The following RAD51B variants were observed in gnomAD, a reference collection of about 807,000 sequenced individuals.
RAD51B encodes the protein DNA repair protein RAD51 homolog 2.
RAD51B carries 38 observed loss-of-function variants against 42.2 expected under a neutral mutation model. That is an observed-to-expected ratio of 0.90 (90% CI 0.70 to 1.18). The LOEUF (loss-of-function observed/expected upper bound fraction) is 1.18. Ranked by LOEUF, RAD51B falls within the 50% of genes most tolerant of loss-of-function variation. The pLI is 0.00. For synonymous variants in RAD51B, 154 were observed against 145.2 expected, an observed-to-expected ratio of 1.06 and a Z score of -0.43; for missense variants, 373 against 400.7, an observed-to-expected ratio of 0.93 and a Z score of 0.59.
intron 7 of RAD51B, among the ~76,000 whole-genome samples, chr14:67,960,050 G>A (rs1438968668): frequency 9.9e-5 from 15 of 151,172 alleles, no homozygotes; most frequent in African/African-American, 2.4e-4. Context: ...GCGCCACTGC[G>A]CTACAGCCTG....
intron 7 of RAD51B, among the ~76,000 whole-genome samples, chr14:67,925,944 TGCACACAGCCTGGGCC>T (rs2044491629): frequency 6.6e-6 from 1 of 152,288 alleles, no homozygotes; most frequent in East Asian, 1.9e-4. Context: ...GACCCTGGGC[TGCACACAGCCTGGGCC>T]GCACACAGCA....
chr14:67,881,393 T>G (rs576547177), intron 5 of RAD51B, among the ~76,000 whole-genome samples: 6 of 152,240 alleles, frequency 3.9e-5, no homozygotes, highest in Non-Finnish European at 7.3e-5. Flanking sequence ...TCTGATACTT[T>G]CTGGTGGTTC....
intron 10 of RAD51B, among the ~76,000 whole-genome samples, chr14:68,642,107 C>T (rs1443726749): frequency 6.6e-6 from 1 of 152,114 alleles, no homozygotes; most frequent in African/African-American, 2.4e-5. Flanking sequence ...TTAGGGTAAT[C>T]CTGGCCTCAT....
intron 10 of RAD51B, among the ~76,000 whole-genome samples, chr14:68,576,912 A>G (rs1889986208): frequency 6.6e-6 from 1 of 152,182 alleles, no homozygotes; most frequent in Admixed American, 6.5e-5. Flanking sequence ...AAAATATTTC[A>G]TTGTGTTTTA....
At chr14:68,078,960 C>T (rs1240329935) in intron 7 of RAD51B, among the ~76,000 whole-genome samples, 2 of 152,044 alleles carry the variant, frequency 1.3e-5, no homozygotes, top group South Asian at 2.1e-4. Context: ...ACTGCACTCC[C>T]GCCTGGGCAA....
chr14:67,953,551 T>G (rs1029700294), intron 7 of RAD51B, among the ~76,000 whole-genome samples: 1 of 152,086 alleles, frequency 6.6e-6, no homozygotes, highest in Non-Finnish European at 1.5e-5. Flanking sequence ...GAATGATTAA[T>G]GGGAAGGATA....
intron 8 of RAD51B, among the ~76,000 whole-genome samples, chr14:68,346,988 A>G (rs1481356176): frequency 2.0e-5 from 3 of 152,030 alleles, no homozygotes; most frequent in Non-Finnish European, 2.9e-5. Context: ...TTAAGACTCA[A>G]TCGAAGTGCC....
Position 68,240,409 on chromosome 14 carries a change from T to C in RAD51B, c.757-51475T>C, listed in dbSNP as rs560494182. 3.3e-5 allele frequency among the ~76,000 whole-genome samples: 5 copies of C among 152,348 alleles called. No individual in the cohort carries two copies. In the South Asian group the frequency reaches 8.3e-4, roughly 25 times the overall value. On this transcript the variant is annotated intron_variant, in intron 7 of 10. Transcript: ENST00000471583. ...GAGAAAAAGAAGACATATTTTTTACTTACCTAAGATTTCATTAGAGGTGCC... is the reference window on the plus strand; with the variant it reads ...GAGAAAAAGAAGACATATTTTTTACCTACCTAAGATTTCATTAGAGGTGCC...
In RAD51B at chr14:68,367,970, C is replaced by T. The variant is rs189064307; in HGVS notation, c.854-43454C>T. 2.0e-3 allele frequency among the ~76,000 whole-genome samples: 310 copies of T among 152,310 alleles called. 1 individual carries two copies. Among genetic ancestry groups the T allele is most frequent in the African/African-American group, 7.2e-3 (299 of 41,560 alleles). On this transcript the variant is annotated intron_variant, in intron 8 of 10. Coordinates refer to ENST00000471583, the MANE Select transcript of RAD51B (RefSeq NM_133510.4). The stretch of plus-strand genomic sequence containing the variant: ...CATAGAAAAGAGAGCCCATAGGGAA[C>T]ATTTTAGAATTGATTCTTATCTTAA...
Position 67,899,405 on chromosome 14 carries a change from A to G in RAD51B, c.756+12201A>G, listed in dbSNP as rs72725134. ...TGGGAAATATCTTCTTAAAAGTGAA[A>G]CATTTGCATTAGATTATAGCTTTTT... On this transcript the variant is annotated intron_variant, in intron 7 of 10. Transcript: ENST00000471583. Among the ~76,000 whole-genome samples, 1,283 of 152,196 alleles carry G rather than the reference A, an allele frequency of 8.4e-3. 3 individuals carry two copies. Among genetic ancestry groups the G allele is most frequent in the Non-Finnish European group, 0.012 (816 of 68,002 alleles).
chr14:67,857,699 A>G (rs569622231), intron 4 of RAD51B, among the ~76,000 whole-genome samples: 2 of 152,340 alleles, frequency 1.3e-5, no homozygotes, highest in East Asian at 3.9e-4. Flanking sequence ...TTCCTCTGCT[A>G]GTTAGCACTC....
intron 7 of RAD51B, among the ~76,000 whole-genome samples, chr14:68,258,396 A>G (rs1372198921): frequency 6.6e-6 from 1 of 150,742 alleles, no homozygotes; most frequent in African/African-American, 2.5e-5. Flanking sequence ...CCCTGTCTCT[A>G]TACACACACA....
chr14:68,357,053 C>T (rs2082924392), intron 8 of RAD51B, among the ~76,000 whole-genome samples: 1 of 151,464 alleles, frequency 6.6e-6, no homozygotes, highest in Admixed American at 6.6e-5. Flanking sequence ...AAAGATTGCT[C>T]TGTAGCATGT....
intron 9 of RAD51B, among the ~76,000 whole-genome samples, chr14:68,425,936 TTTTCTTTCTTTCTTTCTTTC>T (rs56847254): frequency 6.8e-5 from 5 of 73,880 alleles, no homozygotes; most frequent in Non-Finnish European, 1.2e-4. Context: ...AGGCCATTCT[TTTTCTTTCTTTCTTTCTTTC>T]TTTCTTTCTT....
At chr14:67,907,573 T>TG (rs2043818305) in intron 7 of RAD51B, among the ~76,000 whole-genome samples, 2 of 152,058 alleles carry the variant, frequency 1.3e-5, no homozygotes, top group South Asian at 2.1e-4. Context: ...TTGTACCTGC[T>TG]GGGGGTCCAG....
chr14:68,392,469 G>A (rs2083786656), intron 8 of RAD51B, among the ~76,000 whole-genome samples: 1 of 152,034 alleles, frequency 6.6e-6, no homozygotes, highest in Non-Finnish European at 1.5e-5. Context: ...TTTAGTGCTT[G>A]GCCTTGATGC....
At chr14:68,020,898 G>T (rs1053739788) in intron 7 of RAD51B, among the ~76,000 whole-genome samples, 2 of 152,136 alleles carry the variant, frequency 1.3e-5, no homozygotes, top group Non-Finnish European at 2.9e-5. Flanking sequence ...CATGATTTTT[G>T]TGGCTGAATA....
intron 10 of RAD51B, among the ~76,000 whole-genome samples, chr14:68,647,247 A>G (rs118075556): frequency 1.3e-5 from 2 of 152,238 alleles, no homozygotes; most frequent in East Asian, 1.9e-4. Context: ...TTTACCTCTT[A>G]TTGCTACTGC....
At chr14:68,065,347 G>A (rs2076633266) in intron 7 of RAD51B, among the ~76,000 whole-genome samples, 2 of 152,198 alleles carry the variant, frequency 1.3e-5, no homozygotes, top group Non-Finnish European at 2.9e-5. Context: ...TAATGCTCCA[G>A]GGAAGTGTGG....
Sources: gnomAD v4.1 joint callset for allele counts (sites outside exome capture counted in the v4.1 genomes callset) on GRCh38, gnomAD v4.1.1 for gene constraint, MANE v1.5 for transcripts, NCBI Gene and HGNC (gene_info 2026-07-23, HGNC 2026-07-21) for gene names.